The following TBC1D14 variants were observed in gnomAD, a reference collection of about 807,000 sequenced individuals.
TBC1D14 encodes TBC1 domain family, member 14.
Under a neutral mutation model 79.0 loss-of-function variants are expected in TBC1D14, and 26 were observed. That is an observed-to-expected ratio of 0.33 (90% CI 0.24 to 0.46). TBC1D14 has a LOEUF of 0.46. TBC1D14 is among the 20% of genes least tolerant of loss of function. The probability of loss-of-function intolerance (pLI) is 1.00; values close to 1 mark genes in which losing one functional copy is unlikely to be tolerated. For synonymous variants in TBC1D14, 394 were observed against 349.9 expected, an observed-to-expected ratio of 1.13 and a Z score of -1.40; for missense variants, 769 against 887.6, an observed-to-expected ratio of 0.87 and a Z score of 1.70.
intron 3 of TBC1D14, 94 bp downstream of exon 3, chr4:6,967,518 T>C: frequency 6.7e-7 from 1 of 1,492,336 alleles, no homozygotes; most frequent in Non-Finnish European, 9.0e-7. Flanking sequence ...AGTCTGAAAC[T>C]GGAAATCGCT....
At chr4:6,925,030 C>T (rs1396838216) in intron 2 of TBC1D14, among the ~76,000 whole-genome samples, 1 of 152,108 alleles carries the variant, frequency 6.6e-6, no homozygotes, top group East Asian at 1.9e-4. Flanking sequence ...CAGTGGGTCA[C>T]TCCTGTAATC....
chr4:6,937,874 T>G (rs1021895422), intron 2 of TBC1D14, among the ~76,000 whole-genome samples: 10 of 151,986 alleles, frequency 6.6e-5, no homozygotes, highest in African/African-American at 2.4e-4. Flanking sequence ...GCGGGGAGGC[T>G]CCAGTCACAC....
At chr4:6,992,413 A>C (rs1297485977) in intron 3 of TBC1D14, among the ~76,000 whole-genome samples, 1 of 152,200 alleles carries the variant, frequency 6.6e-6, no homozygotes, top group Non-Finnish European at 1.5e-5. Context: ...AAGTCACTTC[A>C]CTTTGAGCCT....
rs1720574412 is a variant in TBC1D14 at position 7,009,883 on chromosome 4, C to G, written c.1453C>G (p.Pro485Ala). Residue 485 changes from proline (P) to alanine (A), a missense_variant, in exon 10 of 14, where the codon CCA becomes GCA. Transcript: ENST00000409757. Reference protein sequence around the residue: ...PNLCIFQQGGPYHDMLHSILG... With the variant: ...PNLCIFQQGGAYHDMLHSILG... ...GCTGTGTTGATCCTTTTAGGGTGGTCCATATCATGACATGTTGCACAGTAT... is the reference window on the plus strand; with the variant it reads ...GCTGTGTTGATCCTTTTAGGGTGGTGCATATCATGACATGTTGCACAGTAT... 1 of 1,613,968 alleles carries G rather than the reference C, an allele frequency of 6.2e-7. No individual in the cohort carries two copies. The highest frequency in any genetic ancestry group is 8.5e-7 in the Non-Finnish European group (1 of 1,180,014).
Position 6,923,836 on chromosome 4 carries a change from C to G in TBC1D14, c.447C>G (p.Thr149=). The G allele has an allele frequency of 6.2e-7, 1 of 1,614,184 alleles. No homozygotes were observed. Among genetic ancestry groups the G allele is most frequent in the South Asian group, 1.1e-5 (1 of 91,088 alleles). ...KLYSPTSKAL[T]RSDDVSVCSV... The stretch of plus-strand genomic sequence containing the variant: ...ATAGCCCGACCTCCAAAGCCCTGAC[C>G]CGCAGCGATGATGTCTCCGTCTGCA... The change falls in exon 2 of 14, where the codon ACC becomes ACG. Residue 149 remains threonine (T), a synonymous_variant. Transcript: ENST00000409757.
At position 6,924,920 on chromosome 4, in the gene TBC1D14, G is replaced by A. The variant is rs4134; in HGVS notation, c.722+809G>A. On this transcript the variant is annotated intron_variant, in intron 2 of 13. Transcript: ENST00000409757. ...GGGGGTGGTGGGAGTGGACACCTTC[G>A]TCACACAAGCAAATGTGAACTCCCG... is the stretch of plus-strand genomic sequence containing the variant. Among the ~76,000 whole-genome samples, 46 of 152,112 alleles carry A rather than the reference G, an allele frequency of 3.0e-4. 3 individuals are homozygous for A.
intron 3 of TBC1D14, among the ~76,000 whole-genome samples, chr4:6,986,319 C>A (rs1717815947): frequency 6.6e-6 from 1 of 152,192 alleles, no homozygotes; most frequent in Non-Finnish European, 1.5e-5. Context: ...ATGCAAGTCT[C>A]TCTGGTCGTA....
In TBC1D14 at chr4:6,999,287, C is replaced by A. The variant is rs965306571; in HGVS notation, c.1163+85C>A. On this transcript the variant is annotated intron_variant, in intron 6 of 13. Coordinates refer to ENST00000409757, the MANE Select transcript of TBC1D14 (RefSeq NM_020773.3). ...CCACAGCTGTAGTCGTCATAGCCAG[C>A]AGTGACACCCTGGATGCAGCGAGTT... The A allele has an allele frequency of 1.1e-5, 13 of 1,183,146 alleles. No homozygotes were observed. In the African/African-American group the frequency reaches 2.0e-4, roughly 18 times the overall value. The allele number at this position is 1,183,146 out of a possible 1,614,324, so 73.3% of individuals were successfully genotyped here.
At chr4:7,012,195 G>A (rs1372667393) in intron 11 of TBC1D14, among the ~76,000 whole-genome samples, 1 of 151,826 alleles carries the variant, frequency 6.6e-6, no homozygotes, top group Non-Finnish European at 1.5e-5. Flanking sequence ...CCAGCTAGTC[G>A]GGAGACTGAG....
At chr4:6,979,293 G>A (rs1477795409) in intron 3 of TBC1D14, among the ~76,000 whole-genome samples, 1 of 152,146 alleles carries the variant, frequency 6.6e-6, no homozygotes, top group Non-Finnish European at 1.5e-5. Flanking sequence ...CACAGCAGTT[G>A]TGTGTCTCAA....
intron 1 of TBC1D14, among the ~76,000 whole-genome samples, chr4:6,918,413 G>A (rs547319311): frequency 2.0e-5 from 3 of 152,194 alleles, no homozygotes; most frequent in Non-Finnish European, 2.9e-5. Flanking sequence ...TTACATTCGT[G>A]TTTTGCTGTA....
At chr4:6,974,830 A>G (rs1012546053) in intron 3 of TBC1D14, among the ~76,000 whole-genome samples, 2 of 152,214 alleles carry the variant, frequency 1.3e-5, no homozygotes, top group African/African-American at 4.8e-5. Flanking sequence ...CTTTAAAAAA[A>G]AAAAATTTCC....
chr4:6,978,204 G>A (rs1577112219), intron 3 of TBC1D14, among the ~76,000 whole-genome samples: 2 of 151,924 alleles, frequency 1.3e-5, no homozygotes, highest in East Asian at 1.9e-4. Context: ...GAAGTGAGGA[G>A]CCCCTCTGCC....
intron 2 of TBC1D14, among the ~76,000 whole-genome samples, chr4:6,926,168 T>C (rs776590317): frequency 1.7e-4 from 26 of 152,260 alleles, no homozygotes; most frequent in Non-Finnish European, 3.1e-4. Context: ...TCGCACGTTC[T>C]GTCTCCGCTG....
chr4:7,013,803 G>C (rs994883510), intron 11 of TBC1D14, among the ~76,000 whole-genome samples: 2 of 151,692 alleles, frequency 1.3e-5, no homozygotes, highest in African/African-American at 4.8e-5. Flanking sequence ...GAGTGCAGTG[G>C]CGCAATCTCG....
chr4:7,008,534 TC>T (rs1164821955), intron 9 of TBC1D14, among the ~76,000 whole-genome samples: 1 of 152,196 alleles, frequency 6.6e-6, no homozygotes, highest in Non-Finnish European at 1.5e-5. Flanking sequence ...TGCCTCAGCC[TC>T]CCGAGTAGCT....
chr4:6,993,927 T>C (rs1003419488), intron 3 of TBC1D14, among the ~76,000 whole-genome samples: 4 of 152,170 alleles, frequency 2.6e-5, no homozygotes, highest in African/African-American at 9.7e-5. Flanking sequence ...GGAGAATCGC[T>C]TGAACCGAGG....
At chr4:6,998,840 A>G (rs1275626414) in intron 5 of TBC1D14, 10 of 406,590 alleles carry the variant, frequency 2.5e-5, no homozygotes, top group East Asian at 1.0e-4. Context: ...CGCCTGGCCA[A>G]CTGAATCGTA....
chr4:6,979,886 C>T lies in TBC1D14; in HGVS notation c.843+12462C>T, dbSNP rs1017165834. The stretch of plus-strand genomic sequence containing the variant: ...AATGATTCTAAATGTATTTGCACTT[C>T]ATAACAGAGCTGCAAAATACATGAA... On this transcript the variant is annotated intron_variant, in intron 3 of 13. Transcript: ENST00000409757. Among the ~76,000 whole-genome samples the T allele has an allele frequency of 2.6e-5, 4 of 152,250 alleles. No individual in the cohort carries two copies. In the South Asian group the frequency reaches 8.3e-4, roughly 32 times the overall value.
Sources: allele counts gnomAD v4.1 joint callset (sites outside exome capture counted in the v4.1 genomes callset), GRCh38; gene constraint gnomAD v4.1.1; transcripts MANE v1.5; gene names NCBI Gene and HGNC (gene_info 2026-07-23, HGNC 2026-07-21).